The following KIAA1549 variants were observed in gnomAD, a reference collection of about 807,000 sequenced individuals.
The protein encoded by KIAA1549 is UPF0606 protein KIAA1549.
Under a neutral mutation model 156.4 loss-of-function variants are expected in KIAA1549, and 70 were observed. The observed-to-expected ratio is 0.45, with a 90% CI of 0.37 to 0.55. KIAA1549 has a LOEUF of 0.55. Among genes scored for constraint, KIAA1549 ranks in the 20% least tolerant of loss-of-function variants. The pLI, the probability that KIAA1549 is intolerant of heterozygous loss-of-function variation, is 0.00. For synonymous variants in KIAA1549, 1,103 were observed against 1,066.4 expected (o/e 1.03, Z -0.67); for missense variants, 2,428 against 2,540.9 (o/e 0.96, Z 0.96).
intron 12 of KIAA1549, among the ~76,000 whole-genome samples, chr7:138,873,669 A>G (rs1475193353): frequency 4.7e-5 from 7 of 149,002 alleles, no homozygotes; most frequent in Non-Finnish European, 7.4e-5. Context: ...CTGGAGCAGC[A>G]GCCTAAGACT....
chr7:138,946,182 C>T (rs988976376), intron 1 of KIAA1549, among the ~76,000 whole-genome samples: 1 of 152,086 alleles, frequency 6.6e-6, no homozygotes, highest in Non-Finnish European at 1.5e-5. Flanking sequence ...ATATTATGTT[C>T]GTTGTTACAT....
chr7:138,928,664 A>G (rs1380924066), intron 1 of KIAA1549, among the ~76,000 whole-genome samples: 3 of 152,254 alleles, frequency 2.0e-5, no homozygotes, highest in Non-Finnish European at 4.4e-5. Context: ...AAATATCACA[A>G]TAAAGCAAGT....
chr7:138,907,883 G>A (rs1481725378), intron 5 of KIAA1549, among the ~76,000 whole-genome samples: 2 of 152,114 alleles, frequency 1.3e-5, no homozygotes, highest in Non-Finnish European at 2.9e-5. Context: ...AGCTAGCTCT[G>A]CCCTGAGACA....
intron 1 of KIAA1549, among the ~76,000 whole-genome samples, chr7:138,954,411 G>A (rs555472605): frequency 6.6e-6 from 1 of 152,214 alleles, no homozygotes; most frequent in Non-Finnish European, 1.5e-5. Context: ...TGGGTACTGG[G>A]GTTAGACTAC....
chr7:138,893,601 A>C (rs1430161786), intron 10 of KIAA1549, among the ~76,000 whole-genome samples: 1 of 152,274 alleles, frequency 6.6e-6, no homozygotes, highest in Non-Finnish European at 1.5e-5. Flanking sequence ...ATTTTAAGTT[A>C]AAATGTTCAA....
intron 1 of KIAA1549, among the ~76,000 whole-genome samples, chr7:138,955,916 G>T (rs941838767): frequency 2.0e-5 from 3 of 152,006 alleles, no homozygotes; most frequent in Non-Finnish European, 4.4e-5. Flanking sequence ...GTTTTGAGAC[G>T]GAGTCTTGCT....
At position 138,834,806 on chromosome 7, in the gene KIAA1549, C is replaced by T. The variant is rs1584975369; in HGVS notation, c.*3100G>A. On this transcript the variant is annotated 3_prime_UTR_variant, in exon 20 of 20. Coordinates refer to ENST00000422774, the MANE Select transcript of KIAA1549 (RefSeq NM_001164665.2). ...GACAGCATGCTACATTTTCACAGTGCTTTATGCTCCCTCCTCACAGGACAT... is the reference window on the plus strand; with the variant it reads ...GACAGCATGCTACATTTTCACAGTGTTTTATGCTCCCTCCTCACAGGACAT... 1 of 232,256 alleles carries T rather than the reference C, an allele frequency of 4.3e-6. No individual in the cohort carries two copies. The highest frequency in any genetic ancestry group is 6.1e-5 in the East Asian group (1 of 16,484). The allele number at this position is 232,256 out of a possible 1,614,324, so 14.4% of individuals were successfully genotyped here.
chr7:138,920,145 T>G, intron 1 of KIAA1549, among the ~76,000 whole-genome samples: 44 of 63,606 alleles, frequency 6.9e-4, no homozygotes, highest in African/African-American at 2.8e-3. Flanking sequence ...GCTGTGCACA[T>G]TCTCACCCCC....
chr7:138,890,385 C>T (rs979816082), intron 10 of KIAA1549, among the ~76,000 whole-genome samples: 3 of 152,212 alleles, frequency 2.0e-5, no homozygotes, highest in Non-Finnish European at 4.4e-5. Flanking sequence ...CATCATGTAG[C>T]GAGTGCCATT....
At chr7:138,907,661 C>T (rs879420618) in intron 5 of KIAA1549, among the ~76,000 whole-genome samples, 9 of 152,136 alleles carry the variant, frequency 5.9e-5, no homozygotes, top group Non-Finnish European at 1.2e-4. Flanking sequence ...GAGTGTATTG[C>T]CTTCCTCCTC....
At chr7:138,941,300 G>A (rs886941997) in intron 1 of KIAA1549, among the ~76,000 whole-genome samples, 1 of 152,058 alleles carries the variant, frequency 6.6e-6, no homozygotes, top group African/African-American at 2.4e-5. Flanking sequence ...CCCCTCCCCT[G>A]CCAAAGTTCA....
intron 17 of KIAA1549, among the ~76,000 whole-genome samples, chr7:138,846,556 A>AAAAAAAG (rs1810080375): frequency 6.6e-6 from 1 of 150,824 alleles, no homozygotes; most frequent in African/African-American, 2.4e-5. Context: ...AAAAAAAAAA[A>AAAAAAAG]AGACGACGAC....
chr7:138,959,373 G>A (rs1467669118), intron 1 of KIAA1549, among the ~76,000 whole-genome samples: 2 of 152,118 alleles, frequency 1.3e-5, no homozygotes, highest in Non-Finnish European at 2.9e-5. Context: ...ACATTGTGCT[G>A]GACATTGTGG....
At chr7:138,928,567 A>G (rs1812786674) in intron 1 of KIAA1549, among the ~76,000 whole-genome samples, 2 of 152,206 alleles carry the variant, frequency 1.3e-5, no homozygotes, top group Non-Finnish European at 2.9e-5. Flanking sequence ...GATTGTAGGC[A>G]TGAGCCACCA....
Position 138,917,933 on chromosome 7 carries a change from G to C in KIAA1549, c.1693C>G (p.Leu565Val). The C allele has an allele frequency of 6.3e-7, 1 of 1,595,528 alleles. No homozygotes were observed. The highest frequency in any genetic ancestry group is 8.5e-7 in the Non-Finnish European group (1 of 1,170,940). The change falls in exon 2 of 20, where the codon CTC becomes GTC. Residue 565 changes from leucine to valine, a missense_variant. Physicochemically the swap from Leu to Val is conservative, Grantham distance 32 (BLOSUM62 1). This residue lies in a region of KIAA1549 where 893 missense variants were observed against 847.9 expected (regional missense o/e 1.05). Coordinates refer to ENST00000422774, the MANE Select transcript of KIAA1549 (RefSeq NM_001164665.2). ...ATGACAGAGAAAGATGAGTCAAGGA[G>C]AATGCTGGTGATGACCGAGAAAAAT... ...TAFFSVITSILLDSSFSVIAN... is the reference protein window; with the variant it reads ...TAFFSVITSIVLDSSFSVIAN...
chr7:138,860,729 G>T (rs1810546107), intron 16 of KIAA1549, among the ~76,000 whole-genome samples: 1 of 152,184 alleles, frequency 6.6e-6, no homozygotes, highest in Non-Finnish European at 1.5e-5. Flanking sequence ...CCAGTACCAG[G>T]TGACCATACA....
intron 1 of KIAA1549, among the ~76,000 whole-genome samples, chr7:138,976,812 A>C (rs1033388125): frequency 2.0e-5 from 3 of 152,186 alleles, no homozygotes; most frequent in African/African-American, 7.2e-5. Flanking sequence ...AGGGGCTAAA[A>C]CGGAGCTGTC....
intron 16 of KIAA1549, among the ~76,000 whole-genome samples, chr7:138,856,286 C>T (rs1810390446): frequency 6.6e-6 from 1 of 151,844 alleles, no homozygotes; most frequent in South Asian, 2.1e-4. Flanking sequence ...GATCCACCCA[C>T]ATCGGCCTCC....
Position 138,891,048 on chromosome 7 carries a change from C to T in KIAA1549, c.4032+3294G>A, listed in dbSNP as rs117422879. Among the ~76,000 whole-genome samples, 638 of 152,348 alleles carry T rather than the reference C, an allele frequency of 4.2e-3. 2 individuals are homozygous for T. Among genetic ancestry groups the T allele is most frequent in the Admixed American group, 9.6e-3 (147 of 15,308 alleles). ...CCTTGAAGAAGGTAGAAGTACCCCA[C>T]CACTGCAAATGGGGTGCCCCCCTCC... On this transcript the variant is annotated intron_variant, in intron 10 of 19. Coordinates refer to ENST00000422774, the MANE Select transcript of KIAA1549 (RefSeq NM_001164665.2).
Sources: allele counts gnomAD v4.1 joint callset (sites outside exome capture counted in the v4.1 genomes callset), GRCh38; gene constraint gnomAD v4.1.1; regional missense constraint gnomAD v4.1.1; transcripts MANE v1.5; gene names NCBI Gene and HGNC (gene_info 2026-07-23, HGNC 2026-07-21).